Variants in RERE observed in about 807,000 individuals in gnomAD.
The protein encoded by RERE is arginine-glutamic acid dipeptide repeats.
RERE carries 40 observed loss-of-function variants against 146.1 expected under a neutral mutation model. The observed-to-expected ratio is 0.27, with a 90% CI of 0.21 to 0.36. The LOEUF is 0.36. RERE is among the 10% of genes least tolerant of loss of function. The pLI is 1.00. For synonymous variants in RERE, 1,003 were observed against 866.0 expected, an observed-to-expected ratio of 1.16 and a Z score of -2.78; for missense variants, 1,933 against 2,138.7, an observed-to-expected ratio of 0.90 and a Z score of 1.90.
intron 12 of RERE, among the ~76,000 whole-genome samples, chr1:8,389,152 A>T (rs904154585): frequency 6.6e-6 from 1 of 152,208 alleles, no homozygotes; most frequent in African/African-American, 2.4e-5. Context: ...TATCAAAATC[A>T]GTCTAAAATA....
intron 1 of RERE, among the ~76,000 whole-genome samples, chr1:8,672,762 T>C (rs1016151745): frequency 6.6e-6 from 1 of 152,198 alleles, no homozygotes; most frequent in African/African-American, 2.4e-5. Flanking sequence ...GTCAATCTTA[T>C]TGTAACTTCA....
intron 4 of RERE, among the ~76,000 whole-genome samples, chr1:8,569,262 A>AG (rs1445548384): frequency 6.6e-6 from 1 of 151,850 alleles, no homozygotes; most frequent in African/African-American, 2.4e-5. Context: ...AAAAGCAAAA[A>AG]AAAAAAAAAA....
intron 12 of RERE, among the ~76,000 whole-genome samples, chr1:8,387,898 G>A (rs1048344618): frequency 2.0e-5 from 3 of 152,170 alleles, no homozygotes; most frequent in African/African-American, 4.8e-5. Context: ...CTCAAAAATT[G>A]TCTTAACTAT....
At chr1:8,457,417 A>C (rs1304240815) in intron 11 of RERE, among the ~76,000 whole-genome samples, 1 of 152,200 alleles carries the variant, frequency 6.6e-6, no homozygotes, top group African/African-American at 2.4e-5. Context: ...GTCTTAAGGC[A>C]AGTGCAAAAA....
At position 8,364,376 on chromosome 1, in the gene RERE, C is replaced by T; in HGVS notation, c.1541-121G>A. On this transcript the variant is annotated intron_variant, in intron 14 of 22. Transcript: ENST00000400908. The surrounding 1 kb of genome is among the most constrained non-coding windows in gnomAD (Gnocchi z 5.1). Reference sequence around the variant, plus strand: ...CTGATGCCACCAGCACCATGCAGCCCTGGGCCCCAACACCCCAGGGCTAGT... The same window carrying T: ...CTGATGCCACCAGCACCATGCAGCCTTGGGCCCCAACACCCCAGGGCTAGT... 2 of 872,702 alleles carry T rather than the reference C, an allele frequency of 2.3e-6. No homozygotes were observed. The highest frequency in any genetic ancestry group is 5.0e-5 in the East Asian group (2 of 39,856). The allele number at this position is 872,702 out of a possible 1,614,324, so 54.1% of individuals were successfully genotyped here.
At chr1:8,555,424 A>G (rs1645995460) in intron 6 of RERE, among the ~76,000 whole-genome samples, 1 of 152,184 alleles carries the variant, frequency 6.6e-6, no homozygotes, top group Non-Finnish European at 1.5e-5. Flanking sequence ...AGCCTGCCCT[A>G]AAGTTGCTAC....
intron 20 of RERE, among the ~76,000 whole-genome samples, chr1:8,357,247 T>C (rs1476661596): frequency 6.6e-6 from 1 of 152,214 alleles, no homozygotes. Context: ...GAATGATGCA[T>C]GAATGAACAA....
chr1:8,541,211 T>C lies in RERE; in HGVS notation c.830+3A>G. On this transcript the variant is annotated splice_donor_region_variant and intron_variant, in intron 7 of 22. Transcript: ENST00000400908. ...AATGAATGGACACAAGTGACTCACT[T>C]ACCTTGTCTCAGGGTTATATCCTAA... is the stretch of plus-strand genomic sequence containing the variant. The C allele has an allele frequency of 6.6e-7, 1 of 1,526,336 alleles. No homozygotes were observed. The highest frequency in any genetic ancestry group is 9.1e-7 in the Non-Finnish European group (1 of 1,103,470). 94.5% of individuals were successfully genotyped at this position (1,526,336 alleles called of 1,614,324 possible).
chr1:8,386,018 ATATATTTTTTTTTTTTTT>A (rs1195892468), intron 12 of RERE, among the ~76,000 whole-genome samples: 8 of 41,904 alleles, frequency 1.9e-4, no homozygotes, highest in African/African-American at 8.1e-4. Context: ...ATATATATAT[ATATATTTTTTTTTTTTTT>A]TTTTTTTTTT....
Position 8,773,818 on chromosome 1 carries a change from C to T in RERE, c.-145+43342G>A, listed in dbSNP as rs572587797. Among the ~76,000 whole-genome samples, 7 of 152,176 alleles carry T rather than the reference C, an allele frequency of 4.6e-5. No individual in the cohort carries two copies. The South Asian group carries it at 1.2e-3, about 27-fold the overall frequency. On this transcript the variant is annotated intron_variant, in intron 1 of 22. Transcript: ENST00000400908. Reference sequence around the variant, plus strand: ...CAGCCTGGGCGACAGAGCGAGACTCCATCTCAGAAAAAAGTTACATCTAAA... The same window carrying T: ...CAGCCTGGGCGACAGAGCGAGACTCTATCTCAGAAAAAAGTTACATCTAAA...
chr1:8,695,606 A>G (rs1329532658), intron 1 of RERE, among the ~76,000 whole-genome samples: 1 of 148,946 alleles, frequency 6.7e-6, no homozygotes, highest in East Asian at 1.9e-4. Flanking sequence ...AAAAAAAAAA[A>G]AAAAAAAAGC....
intron 10 of RERE, among the ~76,000 whole-genome samples, chr1:8,494,587 G>A (rs1175844327): frequency 2.6e-5 from 4 of 152,160 alleles, no homozygotes; most frequent in Non-Finnish European, 5.9e-5. Flanking sequence ...TTAGCTGGGC[G>A]TGGTGGGTGT....
At chr1:8,602,932 G>C (rs1646651701) in intron 4 of RERE, among the ~76,000 whole-genome samples, 1 of 152,158 alleles carries the variant, frequency 6.6e-6, no homozygotes, top group South Asian at 2.1e-4. Context: ...AGCTGTTCCA[G>C]ACACTGGGGA....
At chr1:8,473,780 A>G (rs189866007) in intron 10 of RERE, among the ~76,000 whole-genome samples, 175 of 152,362 alleles carry the variant, frequency 1.1e-3, no homozygotes, top group Non-Finnish European at 1.3e-3. Flanking sequence ...TGGGTCACAG[A>G]AAAATGGAAA....
chr1:8,657,017 G>A (rs990469080), intron 1 of RERE, among the ~76,000 whole-genome samples: 4 of 152,124 alleles, frequency 2.6e-5, no homozygotes, highest in African/African-American at 9.7e-5. Context: ...AATGTCTCAG[G>A]ATAGGCCGGG....
At chr1:8,754,307 G>C (rs1317396069) in intron 1 of RERE, among the ~76,000 whole-genome samples, 4 of 151,524 alleles carry the variant, frequency 2.6e-5, no homozygotes, top group South Asian at 2.1e-4. Context: ...AATCGTTTCA[G>C]CTTCCCAGAA....
At chr1:8,514,495 C>T (rs1250107954) in intron 7 of RERE, among the ~76,000 whole-genome samples, 1 of 152,036 alleles carries the variant, frequency 6.6e-6, no homozygotes, top group Non-Finnish European at 1.5e-5. Context: ...TTTGGGAGGC[C>T]GAGGCAGGTG....
intron 12 of RERE, 105 bp from the exon 13 acceptor site, chr1:8,366,079 G>A: frequency 8.4e-7 from 1 of 1,195,214 alleles, no homozygotes; most frequent in Non-Finnish European, 1.2e-6. Context: ...AGCTGTGCCA[G>A]AGATGAGAAT....
At chr1:8,483,848 C>T (rs1418331840) in intron 10 of RERE, among the ~76,000 whole-genome samples, 2 of 152,144 alleles carry the variant, frequency 1.3e-5, no homozygotes, top group Non-Finnish European at 2.9e-5. Flanking sequence ...TTAATCCAAA[C>T]GTCTAAAAGC....
Sources: allele counts gnomAD v4.1 joint callset (sites outside exome capture counted in the v4.1 genomes callset), GRCh38; gene constraint gnomAD v4.1.1; non-coding constraint Gnocchi (gnomAD v3.1); transcripts MANE v1.5; gene names NCBI Gene and HGNC (gene_info 2026-07-23, HGNC 2026-07-21).